Variants in LRRIQ1 observed in about 807,000 individuals in gnomAD.
LRRIQ1 encodes the protein leucine rich repeats and IQ motif containing 1, also known as leucine-rich repeat- and IQ domain-containing protein 1.
LRRIQ1 carries 210 observed loss-of-function variants against 211.9 expected under a neutral mutation model. The observed-to-expected ratio is 0.99, with a 90% CI of 0.89 to 1.11. The LOEUF (loss-of-function observed/expected upper bound fraction) is 1.11. Among genes scored for constraint, LRRIQ1 ranks in the 50% most tolerant of loss-of-function variants. LRRIQ1 has a pLI of 0.00. For missense variants in LRRIQ1, 2,136 were observed against 1,939.5 expected, an observed-to-expected ratio of 1.10 and a Z score of -1.90; for synonymous variants, 699 against 650.1, an observed-to-expected ratio of 1.08 and a Z score of -1.14.
intron 26 of LRRIQ1, among the ~76,000 whole-genome samples, chr12:85,242,362 AAT>A (rs1895503574): frequency 6.6e-6 from 1 of 151,952 alleles, no homozygotes; most frequent in South Asian, 2.1e-4. Flanking sequence ...ATAAAAAAAC[AAT>A]AGAGTATAAC....
At chr12:85,163,540 C>T (rs1375045598) in intron 24 of LRRIQ1, among the ~76,000 whole-genome samples, 1 of 151,998 alleles carries the variant, frequency 6.6e-6, no homozygotes, top group African/African-American at 2.4e-5. Flanking sequence ...ATTTTAGTAA[C>T]ATTGTATAAA....
intron 26 of LRRIQ1, among the ~76,000 whole-genome samples, chr12:85,236,531 A>G (rs1895179142): frequency 6.6e-6 from 1 of 152,070 alleles, no homozygotes; most frequent in Non-Finnish European, 1.5e-5. Context: ...TTATGACAAT[A>G]CTAATCAAAT....
At chr12:85,123,536 G>GGC (rs1888137365) in intron 16 of LRRIQ1, among the ~76,000 whole-genome samples, 1 of 152,008 alleles carries the variant, frequency 6.6e-6, no homozygotes, top group Non-Finnish European at 1.5e-5. Context: ...TCCAATCATT[G>GGC]TTCAAGAGAA....
chr12:85,068,242 A>C (rs759770390), intron 10 of LRRIQ1, among the ~76,000 whole-genome samples: 1 of 151,900 alleles, frequency 6.6e-6, no homozygotes, highest in South Asian at 2.1e-4. Flanking sequence ...CCACCTTTTC[A>C]GTCCTATAAT....
chr12:85,242,938 GT>G (rs1249434526), intron 26 of LRRIQ1, among the ~76,000 whole-genome samples: 1 of 151,726 alleles, frequency 6.6e-6, no homozygotes, highest in Non-Finnish European at 1.5e-5. Context: ...TTTGGAAGGT[GT>G]TTATTTACAA....
Position 85,066,730 on chromosome 12 carries a change from A to C in LRRIQ1, c.2545-18A>C. On this transcript the variant is annotated intron_variant, in intron 9 of 26. Transcript: ENST00000393217. Reference sequence around the variant, plus strand: ...AAGCCATTGAAATAAAACTAATTACATTTGTTCTTTGCTTCAGGAAAACCA... The same window carrying C: ...AAGCCATTGAAATAAAACTAATTACCTTTGTTCTTTGCTTCAGGAAAACCA... 1.9e-6 allele frequency: 3 copies of C among 1,577,098 alleles called. No individual in the cohort carries two copies. The highest frequency in any genetic ancestry group is 1.7e-6 in the Non-Finnish European group (2 of 1,165,070).
At chr12:85,150,490 A>T (rs1464916331) in intron 19 of LRRIQ1, among the ~76,000 whole-genome samples, 1 of 151,826 alleles carries the variant, frequency 6.6e-6, no homozygotes. Flanking sequence ...GAGAATTCTG[A>T]TTGTATAAAT....
At chr12:85,256,575 T>G (rs1333551542) in intron 1 of LRRIQ1, among the ~76,000 whole-genome samples, 1 of 151,650 alleles carries the variant, frequency 6.6e-6, no homozygotes, top group Non-Finnish European at 1.5e-5. Flanking sequence ...AATGAAAGTT[T>G]CCATGAAAAA....
chr12:85,173,660 G>C (rs1304882377), intron 24 of LRRIQ1, among the ~76,000 whole-genome samples: 2 of 151,344 alleles, frequency 1.3e-5, no homozygotes, highest in Non-Finnish European at 3.0e-5. Flanking sequence ...CACACACACA[G>C]AAAGAGAGAG....
chr12:85,176,825 G>T (rs1354278994), intron 24 of LRRIQ1, among the ~76,000 whole-genome samples: 1 of 151,982 alleles, frequency 6.6e-6, no homozygotes, highest in East Asian at 1.9e-4. Flanking sequence ...ATAACATTAT[G>T]CTTTGGGTTT....
chr12:85,085,092 T>C (rs1458584398), intron 11 of LRRIQ1, among the ~76,000 whole-genome samples: 2 of 152,142 alleles, frequency 1.3e-5, no homozygotes, highest in African/African-American at 4.8e-5. Flanking sequence ...AGATGAGACA[T>C]AGTATTTGTT....
intron 15 of LRRIQ1, among the ~76,000 whole-genome samples, chr12:85,117,451 A>G (rs1368157881): frequency 6.6e-6 from 1 of 152,228 alleles, no homozygotes; most frequent in Non-Finnish European, 1.5e-5. Context: ...AAAAAGATAC[A>G]ACTTAAAAAA....
At chr12:85,113,904 G>GTT (rs1491474023) in intron 15 of LRRIQ1, among the ~76,000 whole-genome samples, 1 of 91,906 alleles carries the variant, frequency 1.1e-5, no homozygotes, top group Non-Finnish European at 2.1e-5. Flanking sequence ...ATTCAAATGA[G>GTT]TTTTGTGTGT....
intron 1 of LRRIQ1, among the ~76,000 whole-genome samples, chr12:85,253,097 G>T (rs1188448214): frequency 6.6e-6 from 1 of 151,880 alleles, no homozygotes; most frequent in Non-Finnish European, 1.5e-5. Flanking sequence ...CTCTCTGAAA[G>T]CATTAATAAT....
At chr12:85,039,063 T>C (rs1427126260) in intron 2 of LRRIQ1, among the ~76,000 whole-genome samples, 1 of 151,348 alleles carries the variant, frequency 6.6e-6, no homozygotes, top group Non-Finnish European at 1.5e-5. Context: ...TAAACCTACC[T>C]ATTACATTTA....
chr12:85,082,185 C>T (rs1039314608), intron 11 of LRRIQ1, among the ~76,000 whole-genome samples: 5 of 151,812 alleles, frequency 3.3e-5, no homozygotes, highest in Admixed American at 2.6e-4. Flanking sequence ...TTTTCTAGGT[C>T]GAAGTTTATT....
At chr12:85,132,650 C>T (rs1888852127) in intron 18 of LRRIQ1, among the ~76,000 whole-genome samples, 1 of 151,956 alleles carries the variant, frequency 6.6e-6, no homozygotes, top group Admixed American at 6.6e-5. Flanking sequence ...GTAGTTTCAG[C>T]TACTCAGGAG....
chr12:85,106,443 T>G, intron 14 of LRRIQ1, 79 bp from the exon 15 acceptor site: 1 of 989,006 alleles, frequency 1.0e-6, no homozygotes, highest in Non-Finnish European at 1.6e-6. Flanking sequence ...AGCAAACCAG[T>G]AAATACAGTG....
downstream of LRRIQ1, among the ~76,000 whole-genome samples, chr12:85,266,974 C>G (rs1896433266): frequency 6.6e-6 from 1 of 152,012 alleles, no homozygotes; most frequent in African/African-American, 2.4e-5. Context: ...TTGTTATAAC[C>G]ACATTTATAT....
Sources: allele counts gnomAD v4.1 joint callset (sites outside exome capture counted in the v4.1 genomes callset), GRCh38; gene constraint gnomAD v4.1.1; transcripts MANE v1.5; gene names NCBI Gene and HGNC (gene_info 2026-07-23, HGNC 2026-07-21).